Variants in PCDHGA11 observed in about 807,000 individuals in gnomAD.
PCDHGA11 encodes the protein protocadherin gamma-A11.
Under a neutral mutation model 60.4 loss-of-function variants are expected in PCDHGA11, and 39 were observed. That is an observed-to-expected ratio of 0.65 (90% confidence interval 0.50 to 0.84). The LOEUF is 0.84. Ranked by LOEUF, PCDHGA11 falls within the 40% of genes least tolerant of loss-of-function variation. PCDHGA11 has a pLI of 0.00. For synonymous variants in PCDHGA11, 533 were observed against 510.3 expected (o/e 1.04, Z -0.60); for missense variants, 1,165 against 1,197.7 (o/e 0.97, Z 0.40).
chr5:141,488,113 T>C (rs1053996929), intron 1 of PCDHGA11, among the ~76,000 whole-genome samples: 1 of 152,084 alleles, frequency 6.6e-6, no homozygotes, highest in African/African-American at 2.4e-5. Flanking sequence ...ATTTGAAACA[T>C]AGAGACAGCA....
At chr5:141,499,022 AAGG>A (rs2099788758) in intron 2 of PCDHGA11, among the ~76,000 whole-genome samples, 3 of 150,722 alleles carry the variant, frequency 2.0e-5, no homozygotes, top group Non-Finnish European at 3.0e-5. Context: ...GGAAGGAAGG[AAGG>A]AAGAAAAGAA....
At chr5:141,509,481 A>G (rs2099877035) in intron 3 of PCDHGA11, among the ~76,000 whole-genome samples, 1 of 152,010 alleles carries the variant, frequency 6.6e-6, no homozygotes, top group Admixed American at 6.6e-5. Flanking sequence ...TGAGGGGTAG[A>G]GGTGATGGCA....
Position 141,431,449 on chromosome 5 carries a change from G to A in PCDHGA11, c.2433+7789G>A. Reference sequence around the variant, plus strand: ...GCACAGGCACCGCGCGCATCCGCGTGATGGTTCTGGATGCGAACGACAACG... The same window carrying A: ...GCACAGGCACCGCGCGCATCCGCGTAATGGTTCTGGATGCGAACGACAACG... On this transcript the variant is annotated intron_variant, in intron 1 of 3. Coordinates refer to ENST00000398587, the MANE Select transcript of PCDHGA11 (RefSeq NM_018914.3). The surrounding 1 kb of genome is among the most constrained non-coding windows in gnomAD (Gnocchi z 4.8). The A allele has an allele frequency of 6.2e-7, 1 of 1,613,742 alleles. No individual in the cohort carries two copies. Among genetic ancestry groups the A allele is most frequent in the South Asian group, 1.1e-5 (1 of 91,082 alleles).
chr5:141,434,981 T>C (rs2097734526), intron 1 of PCDHGA11, among the ~76,000 whole-genome samples: 1 of 152,054 alleles, frequency 6.6e-6, no homozygotes. Flanking sequence ...GTTAATACTC[T>C]ATATCATTTT....
intron 1 of PCDHGA11, among the ~76,000 whole-genome samples, chr5:141,481,555 C>T (rs1013876865): frequency 3.3e-5 from 5 of 152,164 alleles, no homozygotes; most frequent in South Asian, 2.1e-4. Flanking sequence ...CAGTGGCTCA[C>T]GCCTGTAATC....
At chr5:141,492,962 C>A (rs1197532146) in intron 1 of PCDHGA11, among the ~76,000 whole-genome samples, 2 of 152,258 alleles carry the variant, frequency 1.3e-5, no homozygotes, top group African/African-American at 2.4e-5. Flanking sequence ...CTATCTGACA[C>A]TCTAACAAGT....
At position 141,487,063 on chromosome 5, in the gene PCDHGA11, G is replaced by A. The variant is rs754361361; in HGVS notation, c.2434-7744G>A. 39 of 1,614,086 alleles carry A rather than the reference G, an allele frequency of 2.4e-5. No individual in the cohort carries two copies. In the South Asian group the frequency reaches 3.7e-4, roughly 15 times the overall value. The stretch of plus-strand genomic sequence containing the variant: ...CTCGATATGCTGGGGAGGTGCGGAC[G>A]GCTGTTCCTATCCCAGCTGACCTCC... On this transcript the variant is annotated intron_variant, in intron 1 of 3. Transcript: ENST00000398587. The surrounding 1 kb of genome is among the most constrained non-coding windows in gnomAD (Gnocchi z 5.0).
At chr5:141,504,986 AC>A (rs1225847397) in intron 2 of PCDHGA11, among the ~76,000 whole-genome samples, 4 of 151,936 alleles carry the variant, frequency 2.6e-5, no homozygotes, top group Non-Finnish European at 5.9e-5. Context: ...ACATGGTGAA[AC>A]CCCGTCTGTA....
At chr5:141,437,862 C>T (rs535370570) in intron 1 of PCDHGA11, among the ~76,000 whole-genome samples, 5 of 152,002 alleles carry the variant, frequency 3.3e-5, no homozygotes, top group African/African-American at 9.6e-5. Context: ...CTTAGCCTCC[C>T]GAGTAGCTGG....
chr5:141,432,918 A>C lies in PCDHGA11; in HGVS notation c.2433+9258A>C. ...CTGGCGCTCAGGCTGCGGCGCTGGC[A>C]CAAGTCACGCCTGCTGCAGGCTTCA... On this transcript the variant is annotated intron_variant, in intron 1 of 3. Coordinates refer to ENST00000398587, the MANE Select transcript of PCDHGA11 (RefSeq NM_018914.3). This position sits in a 1 kb window ranked among gnomAD's most constrained non-coding sequence, Gnocchi z 6.0. 1 of 1,614,128 alleles carries C rather than the reference A, an allele frequency of 6.2e-7. No homozygotes were observed. Among genetic ancestry groups the C allele is most frequent in the South Asian group, 1.1e-5 (1 of 91,082 alleles).
In PCDHGA11 at chr5:141,450,775, C is replaced by T. The variant is rs561501224; in HGVS notation, c.2433+27115C>T. ...GTGCCGGGATTACAGGCATGAGCCA[C>T]CGTGCCCGGACCTCATGATTGTATT... On this transcript the variant is annotated intron_variant, in intron 1 of 3. Coordinates refer to ENST00000398587, the MANE Select transcript of PCDHGA11 (RefSeq NM_018914.3). Among the ~76,000 whole-genome samples the T allele has an allele frequency of 2.3e-3, 352 of 151,748 alleles. 1 individual carries two copies. The highest frequency in any genetic ancestry group is 4.5e-3 in the Non-Finnish European group (306 of 67,958).
In PCDHGA11 at chr5:141,476,432, G is replaced by A. The variant is rs139089802; in HGVS notation, c.2434-18375G>A. 15 of 1,614,116 alleles carry A rather than the reference G, an allele frequency of 9.3e-6. No individual in the cohort carries two copies. The East Asian group carries it at 3.3e-4, about 36-fold the overall frequency. Reference sequence around the variant, plus strand: ...GTGTGGGACACTGCCCTCTTGCACTGTAACTCTGGAGTTGGTAGTGGAGAA... The same window carrying A: ...GTGTGGGACACTGCCCTCTTGCACTATAACTCTGGAGTTGGTAGTGGAGAA... On this transcript the variant is annotated intron_variant, in intron 1 of 3. Coordinates refer to ENST00000398587, the MANE Select transcript of PCDHGA11 (RefSeq NM_018914.3). The surrounding 1 kb of genome is among the most constrained non-coding windows in gnomAD (Gnocchi z 7.6).
At position 141,476,676 on chromosome 5, in the gene PCDHGA11, G is replaced by A. The variant is rs753538822; in HGVS notation, c.2434-18131G>A. The A allele has an allele frequency of 6.2e-7, 1 of 1,614,222 alleles. No individual in the cohort carries two copies. The highest frequency in any genetic ancestry group is 8.5e-7 in the Non-Finnish European group (1 of 1,180,054). On this transcript the variant is annotated intron_variant, in intron 1 of 3. Transcript: ENST00000398587. The surrounding 1 kb of genome is among the most constrained non-coding windows in gnomAD (Gnocchi z 7.6). ...TACTTTGCGCTTCGCGTGCAGACGC[G>A]GGAGGACAGCACCAAGTACGCGGAG...
intron 1 of PCDHGA11, chr5:141,428,149 G>A (rs1048150182): frequency 8.8e-6 from 14 of 1,586,676 alleles, no homozygotes; most frequent in African/African-American, 1.3e-5. Flanking sequence ...CTGCACACGG[G>A]AACCTGCTGG....
At chr5:141,468,409 A>G (rs183146641) in intron 1 of PCDHGA11, 1 of 152,230 alleles carries the variant, frequency 6.6e-6, no homozygotes, top group East Asian at 1.9e-4. Flanking sequence ...AACTAATAAT[A>G]AGTTAGATAG....
chr5:141,460,214 G>C (rs925628892), intron 1 of PCDHGA11, among the ~76,000 whole-genome samples: 1 of 151,896 alleles, frequency 6.6e-6, no homozygotes, highest in South Asian at 2.1e-4. Flanking sequence ...CATTTTCTTA[G>C]TTGTGTCTTT....
chr5:141,430,629 C>A, intron 1 of PCDHGA11: 1 of 812,246 alleles, frequency 1.2e-6, no homozygotes. Context: ...AGGAATGAAC[C>A]ATCCCTGGGA....
chr5:141,501,290 T>TACACACAC (rs55762287), intron 2 of PCDHGA11, among the ~76,000 whole-genome samples: 94 of 136,244 alleles, frequency 6.9e-4, no homozygotes, highest in Admixed American at 2.2e-3. Context: ...TATTCCCTTA[T>TACACACAC]ACACACACAC....
intron 1 of PCDHGA11, among the ~76,000 whole-genome samples, chr5:141,475,442 T>A (rs1007534176): frequency 1.3e-5 from 2 of 152,238 alleles, no homozygotes; most frequent in African/African-American, 4.8e-5. Context: ...TAGCTCCAGA[T>A]AATGAGGAAG....
Sources: gnomAD v4.1 joint callset for allele counts (sites outside exome capture counted in the v4.1 genomes callset) on GRCh38, gnomAD v4.1.1 for gene constraint, Gnocchi (gnomAD v3.1) non-coding constraint, MANE v1.5 for transcripts, NCBI Gene and HGNC (gene_info 2026-07-23, HGNC 2026-07-21) for gene names.